The following TCF12 variants were observed in gnomAD, a reference collection of about 807,000 sequenced individuals.
TCF12 encodes the protein transcription factor 12, also known as DNA-binding protein HTF4.
TCF12 carries 45 observed loss-of-function variants against 86.0 expected under a neutral mutation model. That is an observed-to-expected ratio of 0.52 (90% CI 0.41 to 0.67). The LOEUF (loss-of-function observed/expected upper bound fraction) is 0.67, where lower values mean the gene tolerates loss of function less well. Among genes scored for constraint, TCF12 ranks in the 30% least tolerant of loss-of-function variants. The probability of loss-of-function intolerance (pLI) is 0.00; values close to 1 mark genes in which losing one functional copy is unlikely to be tolerated. For synonymous variants in TCF12, 330 were observed against 299.6 expected (o/e 1.10, Z -1.05); for missense variants, 881 against 859.9 (o/e 1.02, Z -0.31).
intron 3 of TCF12, among the ~76,000 whole-genome samples, chr15:57,015,523 C>G (rs140700116): frequency 6.6e-6 from 1 of 152,258 alleles, no homozygotes; most frequent in East Asian, 1.9e-4. Context: ...TGCCACCTTG[C>G]TGTTGTGTGG....
At chr15:56,981,781 A>G (rs1021095275) in intron 3 of TCF12, among the ~76,000 whole-genome samples, 1 of 152,226 alleles carries the variant, frequency 6.6e-6, no homozygotes, top group African/African-American at 2.4e-5. Flanking sequence ...GTATTCTTAC[A>G]ATAAAATAAG....
intron 1 of TCF12, chr15:56,919,574 C>T (rs1294737458): frequency 1.0e-5 from 2 of 194,124 alleles, no homozygotes; most frequent in Non-Finnish European, 2.1e-5. Context: ...GCGCGCGGAG[C>T]ACCCGGCGGC....
At chr15:56,942,469 A>G (rs912456525) in intron 3 of TCF12, among the ~76,000 whole-genome samples, 11 of 152,184 alleles carry the variant, frequency 7.2e-5, no homozygotes, top group Non-Finnish European at 1.6e-4. Context: ...TGTTAGGAAA[A>G]TATTTTCTGG....
chr15:57,181,351 A>C (rs943663064), intron 6 of TCF12, among the ~76,000 whole-genome samples: 1 of 152,186 alleles, frequency 6.6e-6, no homozygotes, highest in East Asian at 1.9e-4. Context: ...CACCCTACCA[A>C]GTAGCTGTAA....
intron 3 of TCF12, among the ~76,000 whole-genome samples, chr15:57,055,905 C>G (rs1457868303): frequency 2.0e-5 from 3 of 152,070 alleles, no homozygotes; most frequent in African/African-American, 7.2e-5. Context: ...TTTCTTTGTT[C>G]TCTCATTATA....
chr15:57,016,773 A>G (rs1665872225), intron 3 of TCF12, among the ~76,000 whole-genome samples: 2 of 152,068 alleles, frequency 1.3e-5, no homozygotes, highest in South Asian at 4.1e-4. Context: ...ATGCTTGTAT[A>G]CTAAACAGCC....
intron 8 of TCF12, among the ~76,000 whole-genome samples, chr15:57,230,875 T>C (rs1345504015): frequency 6.6e-6 from 1 of 152,024 alleles, no homozygotes; most frequent in Non-Finnish European, 1.5e-5. Flanking sequence ...TCAATGCTTA[T>C]TCAGTCACTT....
At chr15:57,097,037 G>T (rs2049373367) in intron 5 of TCF12, among the ~76,000 whole-genome samples, 1 of 152,122 alleles carries the variant, frequency 6.6e-6, no homozygotes, top group Non-Finnish European at 1.5e-5. Flanking sequence ...ATAGGTTTCA[G>T]TGGATTTGTC....
chr15:56,951,866 T>C (rs1464652785), intron 3 of TCF12, among the ~76,000 whole-genome samples: 2 of 152,198 alleles, frequency 1.3e-5, no homozygotes, highest in African/African-American at 4.8e-5. Flanking sequence ...CAGACTGGTC[T>C]TGAACTCCTG....
intron 5 of TCF12, among the ~76,000 whole-genome samples, chr15:57,157,429 A>C (rs897885307): frequency 2.9e-4 from 44 of 152,350 alleles, no homozygotes; most frequent in African/African-American, 1.0e-3. Context: ...AACTTTAGGC[A>C]AAGCAACAGT....
intron 5 of TCF12, among the ~76,000 whole-genome samples, chr15:57,146,978 G>C (rs531049045): frequency 5.3e-5 from 8 of 152,270 alleles, no homozygotes; most frequent in Admixed American, 2.6e-4. Context: ...ATAAGCTGCA[G>C]CTGCATTTGC....
intron 3 of TCF12, among the ~76,000 whole-genome samples, chr15:56,999,504 G>GT (rs2063899400): frequency 6.6e-6 from 1 of 152,110 alleles, no homozygotes; most frequent in African/African-American, 2.4e-5. Flanking sequence ...AGGTGAAATA[G>GT]ACTAATTCCT....
intron 8 of TCF12, among the ~76,000 whole-genome samples, chr15:57,220,760 A>G (rs1395368027): frequency 6.6e-6 from 1 of 152,130 alleles, no homozygotes; most frequent in Non-Finnish European, 1.5e-5. Context: ...ATACTTGATA[A>G]ATATTATTAA....
intron 5 of TCF12, among the ~76,000 whole-genome samples, chr15:57,117,180 C>A (rs1288707931): frequency 1.3e-5 from 2 of 151,776 alleles, no homozygotes; most frequent in African/African-American, 2.4e-5. Flanking sequence ...GCTGTGACTA[C>A]AGGTGTGCAC....
chr15:57,114,716 C>G (rs910547826), intron 5 of TCF12, among the ~76,000 whole-genome samples: 5 of 152,084 alleles, frequency 3.3e-5, no homozygotes, highest in Admixed American at 6.6e-5. Context: ...TCAATTGTTT[C>G]TAATTTCACA....
intron 8 of TCF12, among the ~76,000 whole-genome samples, chr15:57,229,213 C>G (rs185581017): frequency 1.7e-3 from 259 of 152,112 alleles, no homozygotes; most frequent in African/African-American, 6.1e-3. Flanking sequence ...TCCAAAGTTC[C>G]TTTCCTGAAA....
intron 3 of TCF12, among the ~76,000 whole-genome samples, chr15:57,011,736 A>G (rs778558330): frequency 6.6e-6 from 1 of 151,996 alleles, no homozygotes; most frequent in Non-Finnish European, 1.5e-5. Context: ...CAGTCTTCCT[A>G]CCCTCTCCAC....
chr15:57,171,492 A>G (rs541904595), intron 6 of TCF12, among the ~76,000 whole-genome samples: 1 of 152,328 alleles, frequency 6.6e-6, no homozygotes, highest in Admixed American at 6.5e-5. Context: ...ATTATACCCA[A>G]ACACCACATT....
At chr15:57,122,274 T>G (rs2151295859) in intron 5 of TCF12, among the ~76,000 whole-genome samples, 1 of 152,146 alleles carries the variant, frequency 6.6e-6, no homozygotes, top group South Asian at 2.1e-4. Flanking sequence ...TCATCAGAGC[T>G]TAAGCAATCT....
Sources: gnomAD v4.1 joint callset for allele counts (sites outside exome capture counted in the v4.1 genomes callset) on GRCh38, gnomAD v4.1.1 for gene constraint, MANE v1.5 for transcripts, NCBI Gene and HGNC (gene_info 2026-07-23, HGNC 2026-07-21) for gene names.